Variants in CNTNAP2 observed in about 807,000 individuals in gnomAD.
The protein encoded by CNTNAP2 is contactin-associated protein-like 2.
Under a neutral mutation model 155.2 loss-of-function variants are expected in CNTNAP2, and 98 were observed. The observed-to-expected ratio is 0.63, with a 90% CI of 0.54 to 0.75. The LOEUF is 0.75. CNTNAP2 is among the 30% of genes least tolerant of loss of function. The pLI is 0.00. For synonymous variants in CNTNAP2, 651 were observed against 631.2 expected, an observed-to-expected ratio of 1.03 and a Z score of -0.47; for missense variants, 1,727 against 1,688.1, an observed-to-expected ratio of 1.02 and a Z score of -0.40.
intron 3 of CNTNAP2, among the ~76,000 whole-genome samples, chr7:146,994,833 A>G (rs918753664): frequency 6.6e-6 from 1 of 151,886 alleles, no homozygotes; most frequent in Middle Eastern, 3.2e-3. Context: ...ACATTACTTC[A>G]CAGTTATTTT....
At chr7:146,856,289 GATAGATAGATACATACATACATACATAC>G (rs1185791420) in intron 3 of CNTNAP2, among the ~76,000 whole-genome samples, 1 of 64,406 alleles carries the variant, frequency 1.6e-5, no homozygotes, top group Non-Finnish European at 3.0e-5. Flanking sequence ...TAGATAGATA[GATAGATAGATACATACATACATACATAC>G]ATACATACAT....
chr7:147,132,358 C>T lies in CNTNAP2; in HGVS notation c.1197C>T (p.Phe399=), dbSNP rs754297905. The change falls in exon 8 of 24, where the codon TTC becomes TTT. Residue 399 remains phenylalanine (F), a synonymous_variant. Coordinates refer to ENST00000361727, the MANE Select transcript of CNTNAP2 (RefSeq NM_014141.6). The part of the protein sequence containing the change: ...RLNQDLFSVS[F]QFRTWNPNGL... ...ACCAGGACCTGTTCTCAGTCAGTTT[C>T]CAGTTTAGGACATGGAACCCCAATG... 1 of 1,613,674 alleles carries T rather than the reference C, an allele frequency of 6.2e-7. No individual in the cohort carries two copies. Among genetic ancestry groups the T allele is most frequent in the Admixed American group, 1.7e-5 (1 of 59,912 alleles).
chr7:146,842,998 T>TAAACAACCAGATC (rs1803768140), intron 3 of CNTNAP2, among the ~76,000 whole-genome samples: 5 of 55,790 alleles, frequency 9.0e-5, no homozygotes, highest in African/African-American at 4.0e-4. Flanking sequence ...CCCACACTTT[T>TAAACAACCAGATC]TTTTTTTTTT....
intron 1 of CNTNAP2, among the ~76,000 whole-genome samples, chr7:146,425,715 A>G (rs192029458): frequency 1.4e-4 from 21 of 152,306 alleles, no homozygotes; most frequent in Admixed American, 2.6e-4. Context: ...TTGAGGGATA[A>G]GATGTGCCAG....
chr7:146,352,239 A>T (rs941348562), intron 1 of CNTNAP2, among the ~76,000 whole-genome samples: 12 of 152,196 alleles, frequency 7.9e-5, no homozygotes, highest in African/African-American at 2.9e-4. Flanking sequence ...TATATTTAAA[A>T]TTTTTGTATA....
intron 5 of CNTNAP2, among the ~76,000 whole-genome samples, chr7:147,116,751 A>G (rs375679909): frequency 6.6e-6 from 1 of 152,090 alleles, no homozygotes; most frequent in South Asian, 2.1e-4. Flanking sequence ...TAGCTCTGTC[A>G]TGCAGGCAGG....
At chr7:146,467,577 C>T (rs965331487) in intron 1 of CNTNAP2, among the ~76,000 whole-genome samples, 1 of 152,056 alleles carries the variant, frequency 6.6e-6, no homozygotes, top group Non-Finnish European at 1.5e-5. Context: ...AAAGTGCATC[C>T]TTAGATTAAA....
chr7:147,106,578 T>A (rs1800770651), intron 4 of CNTNAP2, among the ~76,000 whole-genome samples: 1 of 152,162 alleles, frequency 6.6e-6, no homozygotes, highest in African/African-American at 2.4e-5. Context: ...TTTAAGGTCA[T>A]ATTTTTTCTG....
rs182371611 is a variant in CNTNAP2, at chr7:147,259,065, C to T, written c.1349-41076C>T. Among the ~76,000 whole-genome samples, 228 of 152,308 alleles carry T rather than the reference C, an allele frequency of 1.5e-3. 3 individuals are homozygous for T. The highest frequency in any genetic ancestry group is 8.2e-4 in the Non-Finnish European group (56 of 68,028). On this transcript the variant is annotated intron_variant, in intron 8 of 23. Coordinates refer to ENST00000361727, the MANE Select transcript of CNTNAP2 (RefSeq NM_014141.6). The stretch of plus-strand genomic sequence containing the variant: ...ACATAACTATATTTTAAGTCAGCAT[C>T]TTGTAATAGCTTCCTTCCAGTGTGC...
At chr7:146,261,192 AC>A (rs1194057574) in intron 1 of CNTNAP2, among the ~76,000 whole-genome samples, 4 of 151,860 alleles carry the variant, frequency 2.6e-5, no homozygotes, top group African/African-American at 9.7e-5. Context: ...AGTCAATTAA[AC>A]CTCTTTTGTT....
At chr7:146,920,922 A>G (rs895504728) in intron 3 of CNTNAP2, among the ~76,000 whole-genome samples, 4 of 152,228 alleles carry the variant, frequency 2.6e-5, no homozygotes, top group Non-Finnish European at 5.9e-5. Flanking sequence ...CAGTAAAACA[A>G]TGCTTTCAGA....
chr7:147,246,806 G>A (rs568533028), intron 8 of CNTNAP2, among the ~76,000 whole-genome samples: 2 of 152,264 alleles, frequency 1.3e-5, no homozygotes, highest in East Asian at 3.9e-4. Flanking sequence ...GCCTAACCAA[G>A]TTACAAGATA....
intron 9 of CNTNAP2, among the ~76,000 whole-genome samples, chr7:147,364,865 ATTCCTAGCCATG>A (rs1175683134): frequency 1.3e-5 from 2 of 151,912 alleles, no homozygotes; most frequent in Non-Finnish European, 2.9e-5. Flanking sequence ...AAAAAAAAAA[ATTCCTAGCCATG>A]TTAAAAATTA....
intron 13 of CNTNAP2, among the ~76,000 whole-genome samples, chr7:147,730,443 A>T (rs1386297105): frequency 6.6e-6 from 1 of 152,062 alleles, no homozygotes; most frequent in Non-Finnish European, 1.5e-5. Flanking sequence ...TTATTATTAT[A>T]TCTGTTATGG....
chr7:146,124,553 G>A (rs546956832), intron 1 of CNTNAP2, among the ~76,000 whole-genome samples: 64 of 152,144 alleles, frequency 4.2e-4, no homozygotes, highest in Non-Finnish European at 6.5e-4. Context: ...TATTAAGTAC[G>A]TGTTAAATAA....
intron 15 of CNTNAP2, among the ~76,000 whole-genome samples, chr7:147,986,633 C>A (rs73168536): frequency 7.4e-4 from 113 of 152,250 alleles, no homozygotes; most frequent in Non-Finnish European, 1.2e-3. Context: ...TTTAATACAG[C>A]CTTCATCCTT....
At chr7:146,457,159 T>C (rs554515960) in intron 1 of CNTNAP2, among the ~76,000 whole-genome samples, 5 of 152,074 alleles carry the variant, frequency 3.3e-5, no homozygotes, top group Admixed American at 3.3e-4. Flanking sequence ...CAATGTCAAG[T>C]GGTAATTCAA....
chr7:147,977,595 G>C (rs935506682), intron 14 of CNTNAP2, among the ~76,000 whole-genome samples: 1 of 152,182 alleles, frequency 6.6e-6, no homozygotes, highest in Non-Finnish European at 1.5e-5. Flanking sequence ...CTACCTAAAA[G>C]AGTACGCAGC....
chr7:147,900,529 C>T (rs1177218888), intron 13 of CNTNAP2, among the ~76,000 whole-genome samples: 2 of 152,178 alleles, frequency 1.3e-5, no homozygotes. Context: ...AACCTCTTTT[C>T]TTTATAAATG....
Sources: allele counts gnomAD v4.1 joint callset (sites outside exome capture counted in the v4.1 genomes callset), GRCh38; gene constraint gnomAD v4.1.1; transcripts MANE v1.5; gene names NCBI Gene and HGNC (gene_info 2026-07-23, HGNC 2026-07-21).